Variants in TPD52 observed in about 807,000 individuals in gnomAD.
TPD52 encodes the protein prostate and colon associated protein.
TPD52 carries 17 observed loss-of-function variants against 31.3 expected under a neutral mutation model. The observed-to-expected ratio is 0.54, with a 90% CI of 0.37 to 0.82. The LOEUF is 0.82. TPD52 is among the 40% of genes least tolerant of loss of function. TPD52 has a pLI of 0.00. For missense variants in TPD52, 212 were observed against 240.1 expected (o/e 0.88, Z 0.77); for synonymous variants, 83 against 89.6 (o/e 0.93, Z 0.42).
chr8:80,152,138 G>A (rs1810611791), intron 1 of TPD52, among the ~76,000 whole-genome samples: 1 of 151,446 alleles, frequency 6.6e-6, no homozygotes, highest in African/African-American at 2.4e-5. Flanking sequence ...GCCAGTAACA[G>A]CTCGAGAAAG....
At chr8:80,079,244 A>G (rs1343017665) in intron 1 of TPD52, among the ~76,000 whole-genome samples, 2 of 152,168 alleles carry the variant, frequency 1.3e-5, no homozygotes, top group Non-Finnish European at 2.9e-5. Context: ...GCACTGGAGA[A>G]AGTTTCCTGG....
chr8:80,113,602 A>G (rs921058136), intron 1 of TPD52, among the ~76,000 whole-genome samples: 4 of 152,242 alleles, frequency 2.6e-5, no homozygotes, highest in Admixed American at 6.5e-5. Context: ...GCTGCCATAA[A>G]AAAGAATGAA....
intron 2 of TPD52, among the ~76,000 whole-genome samples, chr8:80,060,092 A>G (rs1412029953): frequency 2.6e-5 from 4 of 151,728 alleles, no homozygotes; most frequent in African/African-American, 9.7e-5. Context: ...CTCAAAAAAA[A>G]AAAAGAAAAG....
chr8:80,050,203 C>A, intron 5 of TPD52: 2 of 380,408 alleles, frequency 5.3e-6, no homozygotes, highest in Non-Finnish European at 4.7e-6. Context: ...AAAGAAATGT[C>A]AAAATCATTT....
In TPD52 at chr8:80,162,572, A is replaced by C. The variant is rs913970162; in HGVS notation, c.19+8853T>G. Among the ~76,000 whole-genome samples the C allele has an allele frequency of 1.6e-4, 24 of 152,200 alleles. 1 individual carries two copies. Among genetic ancestry groups the C allele is most frequent in the Admixed American group, 1.2e-3 (18 of 15,290 alleles). ...CAGGAGTTCAAGGCTACAATGAGCT[A>C]GAATTGCATCACTGCACTCTAGTCT... is the stretch of plus-strand genomic sequence containing the variant. On this transcript the variant is annotated intron_variant, in intron 1 of 7. Transcript: ENST00000518937.
chr8:80,106,857 C>CT (rs34455125), intron 1 of TPD52, among the ~76,000 whole-genome samples: 53,707 of 143,594 alleles, frequency 0.37, 10,662 homozygotes, highest in East Asian at 0.72. Flanking sequence ...CATAAATAAC[C>CT]TTTTTTTTTT....
intron 1 of TPD52, among the ~76,000 whole-genome samples, chr8:80,140,416 A>G (rs562252397): frequency 6.9e-4 from 105 of 152,352 alleles, no homozygotes; most frequent in Non-Finnish European, 1.3e-3. Flanking sequence ...CTTGTTAACT[A>G]AAGAAAACAG....
In TPD52 at chr8:80,039,525, C is replaced by G. The variant is rs532590748; in HGVS notation, c.505-1290G>C. Among the ~76,000 whole-genome samples the G allele has an allele frequency of 6.7e-4, 102 of 152,184 alleles. 1 individual carries two copies. Among genetic ancestry groups the G allele is most frequent in the Middle Eastern group, 3.4e-3 (1 of 294 alleles). Reference sequence around the variant, plus strand: ...TCATCTTTGGCTTGGAGTACAACTCCGTCCTTCCATCTAATCTGCCTGTCT... The same window carrying G: ...TCATCTTTGGCTTGGAGTACAACTCGGTCCTTCCATCTAATCTGCCTGTCT... On this transcript the variant is annotated intron_variant, in intron 7 of 7. Transcript: ENST00000518937.
At chr8:80,129,699 A>G (rs1012088994) in intron 1 of TPD52, among the ~76,000 whole-genome samples, 1 of 116,780 alleles carries the variant, frequency 8.6e-6, no homozygotes, top group East Asian at 2.6e-4. Context: ...CCTAACTCTC[A>G]TTTCTTTTTT....
At chr8:80,072,902 A>T (rs1814092866) in intron 1 of TPD52, among the ~76,000 whole-genome samples, 2 of 151,930 alleles carry the variant, frequency 1.3e-5, no homozygotes, top group Non-Finnish European at 2.9e-5. Context: ...CAGGAATTCG[A>T]GACCAGCCTG....
intron 1 of TPD52, among the ~76,000 whole-genome samples, chr8:80,166,088 C>A (rs186106855): frequency 1.3e-5 from 2 of 152,044 alleles, no homozygotes; most frequent in Admixed American, 1.3e-4. Flanking sequence ...GAGGCTGAGG[C>A]GGGAGGATCA....
intron 1 of TPD52, among the ~76,000 whole-genome samples, chr8:80,136,255 T>C (rs1809403914): frequency 1.4e-5 from 2 of 145,956 alleles, no homozygotes; most frequent in South Asian, 4.3e-4. Flanking sequence ...CCGGGCGCGG[T>C]GGCTCACGCC....
At chr8:80,169,928 A>G (rs1194584727) in intron 1 of TPD52, among the ~76,000 whole-genome samples, 4 of 152,238 alleles carry the variant, frequency 2.6e-5, no homozygotes, top group Non-Finnish European at 5.9e-5. Flanking sequence ...GAAGCTTAAA[A>G]TTTAGATAAT....
chr8:80,136,426 A>G (rs1376797276), intron 1 of TPD52, among the ~76,000 whole-genome samples: 2 of 146,476 alleles, frequency 1.4e-5, no homozygotes, highest in African/African-American at 5.0e-5. Context: ...CAGGAGGCTG[A>G]GGCAGGAGAA....
chr8:80,088,001 T>G (rs530917713), intron 1 of TPD52, among the ~76,000 whole-genome samples: 1 of 152,318 alleles, frequency 6.6e-6, no homozygotes, highest in East Asian at 1.9e-4. Context: ...CTCTGTGAGG[T>G]AAACCTCTGC....
intron 1 of TPD52, among the ~76,000 whole-genome samples, chr8:80,149,263 G>C (rs76392049): frequency 0.028 from 4,300 of 152,124 alleles, 191 homozygotes; most frequent in African/African-American, 0.097. Context: ...GAGATCTGAT[G>C]GTTTTATAAA....
intron 1 of TPD52, among the ~76,000 whole-genome samples, chr8:80,086,307 C>T (rs1032520201): frequency 6.6e-5 from 10 of 151,028 alleles, no homozygotes; most frequent in Non-Finnish European, 3.0e-5. Flanking sequence ...TTAGTAGAGA[C>T]GGAGTTTCAC....
At chr8:80,147,198 T>C (rs887966743) in intron 1 of TPD52, among the ~76,000 whole-genome samples, 2 of 152,198 alleles carry the variant, frequency 1.3e-5, no homozygotes, top group African/African-American at 4.8e-5. Context: ...TCTATACTCT[T>C]GTGTTCATGT....
intron 1 of TPD52, among the ~76,000 whole-genome samples, chr8:80,164,646 C>T (rs902197724): frequency 2.6e-5 from 4 of 152,084 alleles, no homozygotes; most frequent in Non-Finnish European, 5.9e-5. Context: ...CAGCTTGGGA[C>T]GCCCAGGTGG....
Sources: allele counts gnomAD v4.1 joint callset (sites outside exome capture counted in the v4.1 genomes callset), GRCh38; gene constraint gnomAD v4.1.1; transcripts MANE v1.5; gene names NCBI Gene and HGNC (gene_info 2026-07-23, HGNC 2026-07-21).